Variants in ADGRL2 observed in about 807,000 individuals in gnomAD.
ADGRL2 encodes calcium-independent alpha-latrotoxin receptor 2.
Under a neutral mutation model 157.4 loss-of-function variants are expected in ADGRL2, and 44 were observed. The observed-to-expected ratio is 0.28, with a 90% CI of 0.22 to 0.36. The LOEUF (loss-of-function observed/expected upper bound fraction) is 0.36, where lower values mean the gene tolerates loss of function less well. Among genes scored for constraint, ADGRL2 ranks in the 10% least tolerant of loss-of-function variants. The pLI, the probability that ADGRL2 is intolerant of heterozygous loss-of-function variation, is 1.00. For missense variants in ADGRL2, 1,510 were observed against 1,768.9 expected (o/e 0.85, Z 2.63); for synonymous variants, 585 against 624.7 (o/e 0.94, Z 0.95).
intron 3 of ADGRL2, among the ~76,000 whole-genome samples, chr1:81,610,472 G>C (rs1452131250): frequency 6.6e-6 from 1 of 152,118 alleles, no homozygotes; most frequent in Non-Finnish European, 1.5e-5. Context: ...CAGAAGGAGG[G>C]CAGATGGGAT....
intron 1 of ADGRL2, among the ~76,000 whole-genome samples, chr1:81,745,157 T>C (rs2085203296): frequency 6.6e-6 from 1 of 152,148 alleles, no homozygotes; most frequent in South Asian, 2.1e-4. Context: ...CCTTGGCTGT[T>C]GGGCAATAAA....
In ADGRL2 at chr1:81,970,173, T is replaced by C. The variant is rs1189060381; in HGVS notation, c.2734-141T>C. The C allele has an allele frequency of 7.7e-6, 5 of 647,156 alleles. No individual in the cohort carries two copies. In the African/African-American group the frequency reaches 9.4e-5, roughly 12 times the overall value. 40.1% of individuals were successfully genotyped at this position (647,156 alleles called of 1,614,324 possible). A position where few individuals can be genotyped will look rare whatever the true frequency, so the allele number is the denominator to read the frequency against. On this transcript the variant is annotated intron_variant, in intron 15 of 23. Coordinates refer to ENST00000686636, the MANE Select transcript of ADGRL2 (RefSeq NM_001366006.2). Reference sequence around the variant, plus strand: ...CTTGTTTCCAGTTACGAAAAAAATATTTTCAGGAAGCATTAGTTTACTCTG... The same window carrying C: ...CTTGTTTCCAGTTACGAAAAAAATACTTTCAGGAAGCATTAGTTTACTCTG...
intron 1 of ADGRL2, among the ~76,000 whole-genome samples, chr1:81,406,558 C>G (rs1445619205): frequency 6.6e-6 from 1 of 152,192 alleles, no homozygotes; most frequent in Non-Finnish European, 1.5e-5. Flanking sequence ...CGCAGCCATC[C>G]ATCCAGCCTC....
At chr1:81,501,787 G>GCAA (rs2148017050) in intron 2 of ADGRL2, 4 of 1,593,610 alleles carry the variant, frequency 2.5e-6, no homozygotes, top group Non-Finnish European at 3.4e-6. Flanking sequence ...CACTTCAGCA[G>GCAA]CAGCAGCAGC....
intron 1 of ADGRL2, among the ~76,000 whole-genome samples, chr1:81,812,947 C>T (rs1489361233): frequency 6.6e-6 from 1 of 151,772 alleles, no homozygotes; most frequent in East Asian, 1.9e-4. Flanking sequence ...GTTTATGACT[C>T]TGTGCCAGCT....
chr1:81,853,371 G>GGCAAGAGGATGCCATAA (rs1557777207), intron 2 of ADGRL2, among the ~76,000 whole-genome samples: 1 of 152,102 alleles, frequency 6.6e-6, no homozygotes, highest in African/African-American at 2.4e-5. Context: ...GTGCTTATGT[G>GGCAAGAGGATGCCATAA]GCAAGAGGAT....
At chr1:81,596,171 C>G in intron 3 of ADGRL2, 1 of 498,328 alleles carries the variant, frequency 2.0e-6, no homozygotes, top group Non-Finnish European at 3.8e-6. Context: ...GCAATGGTGA[C>G]TTCCACTTTA....
chr1:81,729,418 T>C (rs998712363), intron 1 of ADGRL2, among the ~76,000 whole-genome samples: 6 of 152,154 alleles, frequency 3.9e-5, no homozygotes, highest in Non-Finnish European at 8.8e-5. Flanking sequence ...GTACTGTTTT[T>C]CTCAAAATTA....
intron 3 of ADGRL2, among the ~76,000 whole-genome samples, chr1:81,924,371 T>A (rs1196618288): frequency 6.6e-6 from 1 of 152,138 alleles, no homozygotes. Context: ...GAGAACTCAG[T>A]TCAGAGGTAT....
chr1:81,552,800 C>A (rs1439990895), intron 2 of ADGRL2, among the ~76,000 whole-genome samples: 2 of 152,074 alleles, frequency 1.3e-5, no homozygotes, highest in Non-Finnish European at 2.9e-5. Flanking sequence ...TAATGTACTA[C>A]ACAATCTGTA....
intron 4 of ADGRL2, among the ~76,000 whole-genome samples, chr1:81,941,296 TG>T (rs1054375020): frequency 6.6e-6 from 1 of 151,394 alleles, no homozygotes; most frequent in Non-Finnish European, 1.5e-5. Flanking sequence ...TAATTCTTAG[TG>T]GGGGAGAAAG....
chr1:81,419,290 G>A (rs962061683), intron 1 of ADGRL2, among the ~76,000 whole-genome samples: 7 of 152,022 alleles, frequency 4.6e-5, no homozygotes, highest in South Asian at 2.1e-4. Context: ...TACCACCACC[G>A]CCTTCTGGGT....
chr1:81,718,878 C>T (rs146193308), intron 1 of ADGRL2, among the ~76,000 whole-genome samples: 70 of 152,286 alleles, frequency 4.6e-4, no homozygotes, highest in African/African-American at 1.5e-3. Flanking sequence ...TGTTATTAAA[C>T]AGCCTCAGAA....
chr1:81,978,541 G>T (rs1660802327), intron 17 of ADGRL2, among the ~76,000 whole-genome samples: 1 of 151,648 alleles, frequency 6.6e-6, no homozygotes, highest in Non-Finnish European at 1.5e-5. Flanking sequence ...CCTTAAGAGG[G>T]AATTCTCCAT....
chr1:81,436,284 A>C (rs2101647170), intron 1 of ADGRL2, among the ~76,000 whole-genome samples: 1 of 152,288 alleles, frequency 6.6e-6, no homozygotes, highest in Admixed American at 6.5e-5. Flanking sequence ...ACATCACGGT[A>C]GAGCATGGTA....
intron 17 of ADGRL2, among the ~76,000 whole-genome samples, chr1:81,978,691 C>G (rs1327026): frequency 0.28 from 43,048 of 151,516 alleles, 6,572 homozygotes; most frequent in Middle Eastern, 0.36. Context: ...TATCACTTTT[C>G]CTAATTATAA....
intron 1 of ADGRL2, among the ~76,000 whole-genome samples, chr1:81,758,921 T>C (rs1476284248): frequency 6.6e-6 from 1 of 152,118 alleles, no homozygotes; most frequent in Non-Finnish European, 1.5e-5. Flanking sequence ...GCTTCCTTTA[T>C]ATGTATATAT....
intron 2 of ADGRL2, among the ~76,000 whole-genome samples, chr1:81,549,329 A>G (rs1208735587): frequency 6.6e-6 from 1 of 152,210 alleles, no homozygotes; most frequent in Admixed American, 6.5e-5. Context: ...GAAAGGAAGA[A>G]TGCTCGAATA....
chr1:81,429,898 T>G (rs1246417044), intron 1 of ADGRL2, among the ~76,000 whole-genome samples: 1 of 152,128 alleles, frequency 6.6e-6, no homozygotes, highest in African/African-American at 2.4e-5. Context: ...TTGTTGTTGT[T>G]GTTGTTGTTT....
Sources: gnomAD v4.1 joint callset for allele counts (sites outside exome capture counted in the v4.1 genomes callset) on GRCh38, gnomAD v4.1.1 for gene constraint, MANE v1.5 for transcripts, NCBI Gene and HGNC (gene_info 2026-07-23, HGNC 2026-07-21) for gene names.